Variants in SYT14 observed in about 807,000 individuals in gnomAD.
SYT14 encodes the protein synaptotagmin-14.
SYT14 carries 32 observed loss-of-function variants against 74.2 expected under a neutral mutation model. The ratio of observed to expected loss-of-function variants is 0.43; its 90% CI spans 0.33 to 0.58. The LOEUF (loss-of-function observed/expected upper bound fraction) is 0.58, where lower values mean the gene tolerates loss of function less well. SYT14 is among the 20% of genes least tolerant of loss of function. SYT14 has a pLI of 0.05. For missense variants in SYT14, 791 were observed against 981.8 expected (o/e 0.81, Z 2.60); for synonymous variants, 298 against 337.7 (o/e 0.88, Z 1.29).
chr1:210,120,679 C>T (rs1421805243), intron 7 of SYT14, among the ~76,000 whole-genome samples: 1 of 151,920 alleles, frequency 6.6e-6, no homozygotes, highest in African/African-American at 2.4e-5. Flanking sequence ...TTTCTCAGAC[C>T]GTTTCTGTGT....
At chr1:210,131,563 G>A (rs1305731877) in intron 7 of SYT14, among the ~76,000 whole-genome samples, 1 of 151,134 alleles carries the variant, frequency 6.6e-6, no homozygotes, top group Non-Finnish European at 1.5e-5. Flanking sequence ...ATATGTATAT[G>A]TACATATACA....
chr1:210,002,772 A>AT (rs1342937480), intron 2 of SYT14, among the ~76,000 whole-genome samples: 11 of 151,854 alleles, frequency 7.2e-5, no homozygotes, highest in Admixed American at 3.3e-4. Flanking sequence ...GACTTTGCCC[A>AT]TTTTTTTACT....
chr1:210,014,536 AAT>A (rs1458393124), intron 3 of SYT14, among the ~76,000 whole-genome samples: 1 of 152,080 alleles, frequency 6.6e-6, no homozygotes. Flanking sequence ...AATTTAGAAG[AAT>A]GTGACAAAAA....
At chr1:210,138,618 C>CA (rs903739990) in intron 7 of SYT14, among the ~76,000 whole-genome samples, 5 of 151,916 alleles carry the variant, frequency 3.3e-5, no homozygotes, top group South Asian at 2.1e-4. Flanking sequence ...ATATGTCTGC[C>CA]AAAAAAATTC....
intron 5 of SYT14, among the ~76,000 whole-genome samples, chr1:210,063,081 G>A (rs1343129238): frequency 6.7e-6 from 1 of 148,578 alleles, no homozygotes; most frequent in Non-Finnish European, 1.5e-5. Context: ...TATTATCTCA[G>A]ATTTTTTGTT....
intron 7 of SYT14, among the ~76,000 whole-genome samples, chr1:210,153,694 A>G (rs1392958380): frequency 6.6e-6 from 1 of 152,204 alleles, no homozygotes; most frequent in Non-Finnish European, 1.5e-5. Flanking sequence ...GGCTTTTTAA[A>G]AAAATCTAGT....
chr1:209,946,055 G>A (rs1001446113), intron 1 of SYT14, among the ~76,000 whole-genome samples: 2 of 152,102 alleles, frequency 1.3e-5, no homozygotes, highest in South Asian at 4.2e-4. Context: ...TATTGTAATT[G>A]TTTTGGGCGC....
At chr1:209,953,443 CT>C (rs2078944097) in intron 2 of SYT14, among the ~76,000 whole-genome samples, 1 of 152,128 alleles carries the variant, frequency 6.6e-6, no homozygotes, top group Admixed American at 6.5e-5. Context: ...ACTCTTGTCT[CT>C]TTTTAAACTT....
intron 7 of SYT14, among the ~76,000 whole-genome samples, chr1:210,144,189 T>A (rs1572374297): frequency 6.6e-6 from 1 of 152,212 alleles, no homozygotes; most frequent in Non-Finnish European, 1.5e-5. Context: ...AAAACTCTGA[T>A]TCATATAGAT....
chr1:210,070,472 C>CA (rs1362602036), intron 5 of SYT14, among the ~76,000 whole-genome samples: 3 of 152,068 alleles, frequency 2.0e-5, no homozygotes, highest in Non-Finnish European at 4.4e-5. Context: ...TTTAAATACT[C>CA]ACTTTGCTTT....
chr1:210,169,733 A>G (rs990333112), exon 10 of SYT14: 5 of 152,104 alleles, frequency 3.3e-5, no homozygotes, highest in African/African-American at 9.7e-5. Flanking sequence ...GTTTTCAGTT[A>G]AATTAGCCTT....
intron 5 of SYT14, among the ~76,000 whole-genome samples, chr1:210,037,228 A>G (rs2102331310): frequency 6.6e-6 from 1 of 152,078 alleles, no homozygotes; most frequent in Non-Finnish European, 1.5e-5. Context: ...AGAGATGTTC[A>G]TGTAGTCTCT....
At chr1:210,037,088 A>T in intron 5 of SYT14, among the ~76,000 whole-genome samples, 1 of 151,594 alleles carries the variant, frequency 6.6e-6, no homozygotes, top group Middle Eastern at 3.2e-3. Flanking sequence ...GAGATTTGTT[A>T]TTATTTGTTC....
At chr1:210,127,554 G>A (rs919015397) in intron 7 of SYT14, among the ~76,000 whole-genome samples, 1 of 152,182 alleles carries the variant, frequency 6.6e-6, no homozygotes, top group Admixed American at 6.5e-5. Context: ...GTTGGCAGTG[G>A]CTGTTGAGCA....
At chr1:209,988,061 A>G (rs759316556) in intron 2 of SYT14, among the ~76,000 whole-genome samples, 5 of 151,692 alleles carry the variant, frequency 3.3e-5, no homozygotes, top group Non-Finnish European at 7.4e-5. Context: ...TTCTTTTCTC[A>G]TCTCTTTTGT....
At chr1:210,041,559 A>G (rs1031031746) in intron 5 of SYT14, among the ~76,000 whole-genome samples, 1 of 152,222 alleles carries the variant, frequency 6.6e-6, no homozygotes, top group African/African-American at 2.4e-5. Context: ...TAGGAGATGT[A>G]TAGCATACAC....
At chr1:210,110,058 G>A (rs1234857084) in intron 7 of SYT14, among the ~76,000 whole-genome samples, 1 of 152,152 alleles carries the variant, frequency 6.6e-6, no homozygotes, top group African/African-American at 2.4e-5. Context: ...ATAAGTGGGA[G>A]TTGAACAGTG....
exon 10 of SYT14, chr1:210,169,235 T>TG (rs2083494354): frequency 2.1e-5 from 3 of 139,748 alleles, no homozygotes; most frequent in African/African-American, 8.0e-5. Context: ...TTTTTTTTTT[T>TG]TTTTTTTTTT....
intron 2 of SYT14, among the ~76,000 whole-genome samples, chr1:209,976,645 A>C (rs1162039780): frequency 6.6e-6 from 1 of 152,118 alleles, no homozygotes; most frequent in Non-Finnish European, 1.5e-5. Context: ...ATTTTGGAAT[A>C]AGTACGGCAT....
Sources: allele counts gnomAD v4.1 joint callset (sites outside exome capture counted in the v4.1 genomes callset), GRCh38; gene constraint gnomAD v4.1.1; transcripts MANE v1.5; gene names NCBI Gene and HGNC (gene_info 2026-07-23, HGNC 2026-07-21).